The following KIF13A variants were observed in gnomAD, a reference collection of about 807,000 sequenced individuals.
KIF13A encodes kinesin family member 13A, also known as kinesin-like protein KIF13A.
In KIF13A, 79 loss-of-function variants were observed where a neutral mutation model predicts 212.2. That is an observed-to-expected ratio of 0.37 (90% confidence interval 0.31 to 0.45). The LOEUF (loss-of-function observed/expected upper bound fraction) is 0.45. Ranked by LOEUF, KIF13A falls within the 20% of genes least tolerant of loss-of-function variation. The pLI, the probability that KIF13A is intolerant of heterozygous loss-of-function variation, is 1.00. For missense variants in KIF13A, 1,901 were observed against 2,209.0 expected (o/e 0.86, Z 2.79); for synonymous variants, 789 against 808.6 (o/e 0.98, Z 0.41).
In KIF13A at chr6:17,973,691, A is replaced by G. The variant is rs1237063668; in HGVS notation, c.146+13363T>C. Among the ~76,000 whole-genome samples, 2 of 152,206 alleles carry G rather than the reference A, an allele frequency of 1.3e-5. 1 individual carries two copies. Among genetic ancestry groups the G allele is most frequent in the Admixed American group, 1.3e-4 (2 of 15,278 alleles). On this transcript the variant is annotated intron_variant, in intron 2 of 38. Transcript: ENST00000259711. The stretch of plus-strand genomic sequence containing the variant: ...ACAGATGAAGAAACCTAGCTGCAAA[A>G]GGATCAACAGCTATCTCAAAGAAGC...
intron 11 of KIF13A, among the ~76,000 whole-genome samples, chr6:17,835,465 C>A (rs1421189765): frequency 6.6e-6 from 1 of 152,098 alleles, no homozygotes; most frequent in East Asian, 1.9e-4. Context: ...TGGTGTTTTG[C>A]TACCCTTCTT....
chr6:17,898,474 A>T lies in KIF13A; in HGVS notation c.147-294T>A, dbSNP rs1772772881. 6.6e-6 allele frequency among the ~76,000 whole-genome samples: 1 copy of T among 152,204 alleles called. No homozygotes were observed. The highest frequency in any genetic ancestry group is 2.1e-4 in the South Asian group (1 of 4,832). On this transcript the variant is annotated intron_variant, in intron 2 of 38. Coordinates refer to ENST00000259711, the MANE Select transcript of KIF13A (RefSeq NM_022113.6). The surrounding 1 kb of genome is among the most constrained non-coding windows in gnomAD (Gnocchi z 5.2). ...CAGATATTTTTAATGACTTTTAAGA[A>T]ATGCCAAAGGAAGAGCATCAAGATA...
Position 17,869,698 on chromosome 6 carries a change from A to G in KIF13A, c.220+3679T>C, listed in dbSNP as rs148118344. 2.6e-5 allele frequency among the ~76,000 whole-genome samples: 4 copies of G among 152,334 alleles called. No individual in the cohort carries two copies. The East Asian group carries it at 7.7e-4, about 29-fold the overall frequency. ...AAGTGGGAGCGTGGAGGCTCTTCCTATAGCTTTTAATAAATAGCAAGACAT... is the reference window on the plus strand; with the variant it reads ...AAGTGGGAGCGTGGAGGCTCTTCCTGTAGCTTTTAATAAATAGCAAGACAT... On this transcript the variant is annotated intron_variant, in intron 4 of 38. Coordinates refer to ENST00000259711, the MANE Select transcript of KIF13A (RefSeq NM_022113.6).
At position 17,773,839 on chromosome 6, in the gene KIF13A, G is replaced by A. The variant is rs1014859623; in HGVS notation, c.4219-256C>T. ...TTAATAAAATTATTACAAATGTAGT[G>A]TGATCTTTTGGTCCCATTCATCTTC... On this transcript the variant is annotated intron_variant, in intron 35 of 38. Coordinates refer to ENST00000259711, the MANE Select transcript of KIF13A (RefSeq NM_022113.6). This position sits in a 1 kb window ranked among gnomAD's most constrained non-coding sequence, Gnocchi z 4.2. Among the ~76,000 whole-genome samples the A allele has an allele frequency of 1.3e-5, 2 of 152,142 alleles. No individual in the cohort carries two copies. The highest frequency in any genetic ancestry group is 4.8e-5 in the African/African-American group (2 of 41,420).
chr6:17,972,919 C>T (rs1779943043), intron 2 of KIF13A, among the ~76,000 whole-genome samples: 1 of 151,414 alleles, frequency 6.6e-6, no homozygotes, highest in Non-Finnish European at 1.5e-5. Flanking sequence ...CCTCTTCTAA[C>T]AGCAGCCAGT....
intron 2 of KIF13A, chr6:17,953,993 G>A (rs151310454): frequency 1.0e-4 from 16 of 152,736 alleles, no homozygotes; most frequent in African/African-American, 2.7e-4. Flanking sequence ...TTTTTTCTTC[G>A]AAACAGATTT....
At chr6:17,866,838 T>TGC (rs1769437373) in intron 4 of KIF13A, among the ~76,000 whole-genome samples, 6 of 17,830 alleles carry the variant, frequency 3.4e-4, no homozygotes, top group Admixed American at 1.1e-3. Flanking sequence ...CATATATATA[T>TGC]ATATATATAT....
At position 17,768,131 on chromosome 6, in the gene KIF13A, AACT is replaced by A. The variant is rs1281258810; in HGVS notation, c.4581+2980_4581+2982del. 6.6e-6 allele frequency among the ~76,000 whole-genome samples: 1 copy of A among 152,220 alleles called. No homozygotes were observed. Among genetic ancestry groups the A allele is most frequent in the African/African-American group, 2.4e-5 (1 of 41,450 alleles). ...ATTAAGGGAGGATTTAATTGGCTTAAACTCATATTTTTGAGGGAGTTTGGTTTA... is the reference window on the plus strand; with the variant it reads ...ATTAAGGGAGGATTTAATTGGCTTAACATATTTTTGAGGGAGTTTGGTTTA... On this transcript the variant is annotated intron_variant, in intron 38 of 38. Transcript: ENST00000259711. This position sits in a 1 kb window ranked among gnomAD's most constrained non-coding sequence, Gnocchi z 5.4.
At chr6:17,925,682 G>A (rs940029322) in intron 2 of KIF13A, among the ~76,000 whole-genome samples, 5 of 152,170 alleles carry the variant, frequency 3.3e-5, no homozygotes, top group Admixed American at 2.6e-4. Flanking sequence ...TTCAGTGTAT[G>A]TGCACTGCAT....
intron 2 of KIF13A, among the ~76,000 whole-genome samples, chr6:17,910,851 C>A (rs1287473819): frequency 6.6e-6 from 1 of 152,108 alleles, no homozygotes; most frequent in Non-Finnish European, 1.5e-5. Flanking sequence ...CAAGCTCCGC[C>A]TCCTGGGTTC....
Position 17,790,053 on chromosome 6 carries a change from A to C in KIF13A, c.3223-143T>G, listed in dbSNP as rs1452946531. On this transcript the variant is annotated intron_variant, in intron 25 of 38. Transcript: ENST00000259711. ...AATAAAACACTAAATTGAATCTCAA[A>C]AAAGGTAAAATGGATTTAATTCACT... 6 of 625,978 alleles carry C rather than the reference A, an allele frequency of 9.6e-6. No individual in the cohort carries two copies. The East Asian group carries it at 1.7e-4, about 18-fold the overall frequency. The allele number at this position is 625,978 out of a possible 1,614,324, so 38.8% of individuals were successfully genotyped here. A position where few individuals can be genotyped will look rare whatever the true frequency, so the allele number is the denominator to read the frequency against.
Position 17,848,878 on chromosome 6 carries a change from A to G in KIF13A, c.830+499T>C, listed in dbSNP as rs111958537. The stretch of plus-strand genomic sequence containing the variant: ...TCACCTTGGCCTTCCAAAATGCTGG[A>G]ATTATAGTTGTGAGCCACCGTACCT... On this transcript the variant is annotated intron_variant, in intron 9 of 38. Transcript: ENST00000259711. Among the ~76,000 whole-genome samples, 6 of 152,050 alleles carry G rather than the reference A, an allele frequency of 3.9e-5. 1 individual carries two copies. The highest frequency in any genetic ancestry group is 1.4e-4 in the African/African-American group (6 of 41,456).
intron 9 of KIF13A, among the ~76,000 whole-genome samples, chr6:17,842,013 G>A (rs1301878550): frequency 3.3e-5 from 5 of 151,474 alleles, no homozygotes; most frequent in Non-Finnish European, 7.4e-5. Flanking sequence ...GTGTGTGTGT[G>A]TGTGTGTGTG....
chr6:17,955,614 T>C (rs943907360), intron 2 of KIF13A, among the ~76,000 whole-genome samples: 3 of 152,350 alleles, frequency 2.0e-5, no homozygotes, highest in Admixed American at 6.5e-5. Flanking sequence ...ATTTGTCTTA[T>C]TTAAGAACAG....
In KIF13A at chr6:17,834,476, A is replaced by G. The variant is rs943593960; in HGVS notation, c.1156-405T>C. Among the ~76,000 whole-genome samples the G allele has an allele frequency of 1.3e-5, 2 of 152,252 alleles. No homozygotes were observed. Among genetic ancestry groups the G allele is most frequent in the Admixed American group, 6.5e-5 (1 of 15,292 alleles). ...AATTCCAGTTAAATTAATCTGCTAG[A>G]AAAGGTAAAGACTTCTCATGTATTT... is the stretch of plus-strand genomic sequence containing the variant. On this transcript the variant is annotated intron_variant, in intron 11 of 38. Transcript: ENST00000259711. This position sits in a 1 kb window ranked among gnomAD's most constrained non-coding sequence, Gnocchi z 4.0.
chr6:17,952,565 A>G (rs1377582554), intron 2 of KIF13A, among the ~76,000 whole-genome samples: 1 of 151,834 alleles, frequency 6.6e-6, no homozygotes, highest in African/African-American at 2.4e-5. Flanking sequence ...TGAGCCCAGG[A>G]GTTTGAGGCT....
At chr6:17,927,437 C>CA (rs1775582118) in intron 2 of KIF13A, among the ~76,000 whole-genome samples, 1 of 152,078 alleles carries the variant, frequency 6.6e-6, no homozygotes, top group Non-Finnish European at 1.5e-5. Flanking sequence ...ATTCTACTTA[C>CA]ATGAGGTACC....
At position 17,771,554 on chromosome 6, in the gene KIF13A, C is replaced by G. The variant is rs1219124103; in HGVS notation, c.4477-336G>C. 2.9e-6 allele frequency: 1 copy of G among 346,722 alleles called. No homozygotes were observed. The highest frequency in any genetic ancestry group is 2.1e-5 in the African/African-American group (1 of 47,580). 21.5% of individuals were successfully genotyped at this position (346,722 alleles called of 1,614,324 possible). On this transcript the variant is annotated intron_variant, in intron 37 of 38. Coordinates refer to ENST00000259711, the MANE Select transcript of KIF13A (RefSeq NM_022113.6). The surrounding 1 kb of genome is among the most constrained non-coding windows in gnomAD (Gnocchi z 5.4). ...CCAGCCTGGGCAACACAGCAAGACC[C>G]TATCTCTATAAAAAACAAAATCAGA...
At position 17,914,285 on chromosome 6, in the gene KIF13A, C is replaced by T. The variant is rs1475059498; in HGVS notation, c.147-16105G>A. On this transcript the variant is annotated intron_variant, in intron 2 of 38. Transcript: ENST00000259711. The surrounding 1 kb of genome is among the most constrained non-coding windows in gnomAD (Gnocchi z 5.9). The stretch of plus-strand genomic sequence containing the variant: ...CTTGTTTTTCACTAAAAAAGTGATG[C>T]TCTCTCTTCTGAAAGTCTTTAAAAT... Among the ~76,000 whole-genome samples the T allele has an allele frequency of 2.0e-5, 3 of 152,096 alleles. No homozygotes were observed. The highest frequency in any genetic ancestry group is 6.6e-5 in the Admixed American group (1 of 15,264).
Sources: allele counts gnomAD v4.1 joint callset (sites outside exome capture counted in the v4.1 genomes callset), GRCh38; gene constraint gnomAD v4.1.1; non-coding constraint Gnocchi (gnomAD v3.1); transcripts MANE v1.5; gene names NCBI Gene and HGNC (gene_info 2026-07-23, HGNC 2026-07-21).